Variants in ACACB observed in about 807,000 individuals in gnomAD.
ACACB encodes acetyl-CoA carboxylase beta, also known as acetyl-CoA carboxylase 2.
ACACB carries 209 observed loss-of-function variants against 278.8 expected under a neutral mutation model. The ratio of observed to expected loss-of-function variants is 0.75; its 90% CI spans 0.67 to 0.84. The LOEUF is 0.84. Among genes scored for constraint, ACACB ranks in the 40% least tolerant of loss-of-function variants. ACACB has a pLI of 0.00. For missense variants in ACACB, 2,850 were observed against 3,269.0 expected (o/e 0.87, Z 3.13); for synonymous variants, 1,174 against 1,285.6 (o/e 0.91, Z 1.86).
chr12:109,218,367 AGTTTGTTT>A (rs57423055), intron 24 of ACACB, among the ~76,000 whole-genome samples: 22,611 of 149,980 alleles, frequency 0.15, 2,038 homozygotes, highest in East Asian at 0.28. Context: ...ACGCCCAGCT[AGTTTGTTT>A]GTTTGTTTGT....
chr12:109,141,962 A>C (rs898727904), intron 2 of ACACB, among the ~76,000 whole-genome samples: 3 of 152,124 alleles, frequency 2.0e-5, no homozygotes, highest in Non-Finnish European at 4.4e-5. Flanking sequence ...AAATGGGATA[A>C]TGTAGGCAGG....
intron 1 of ACACB, among the ~76,000 whole-genome samples, chr12:109,122,572 C>CAA (rs59516728): frequency 0.1 from 6,344 of 61,058 alleles, 760 homozygotes; most frequent in African/African-American, 0.22. Flanking sequence ...GACATTGTCT[C>CAA]AAAAAAAAAA....
At position 109,233,829 on chromosome 12, in the gene ACACB, C is replaced by G; in HGVS notation, c.4221C>G (p.Tyr1407Ter). 6.2e-7 allele frequency: 1 copy of G among 1,614,240 alleles called. No homozygotes were observed. The highest frequency in any genetic ancestry group is 8.5e-7 in the Non-Finnish European group (1 of 1,180,052). ...TCAGCGAGGCCCGCACCTCCCTATA[C>G]TCCGAGGATGACTGCAAGGTAAGCG... is the stretch of plus-strand genomic sequence containing the variant. ...PLFSEARTSLYSEDDCKSLRE... is the reference protein window; with the variant it reads ...PLFSEARTSL The change falls in exon 30 of 53, where the codon TAC becomes TAG. Residue 1407 changes from tyrosine (Y) to a stop codon, truncating the protein, a stop_gained. Transcript: ENST00000338432. LOFTEE classifies it high-confidence loss of function.
chr12:109,242,960 C>T (rs993019706), intron 37 of ACACB, among the ~76,000 whole-genome samples: 5 of 150,850 alleles, frequency 3.3e-5, no homozygotes, highest in Non-Finnish European at 5.9e-5. Context: ...AGTGAGACCC[C>T]GTCTTCAAAA....
chr12:109,219,997 C>G (rs1159886352), intron 24 of ACACB, among the ~76,000 whole-genome samples: 1 of 152,156 alleles, frequency 6.6e-6, no homozygotes, highest in African/African-American at 2.4e-5. Flanking sequence ...GCAAAATATG[C>G]CTGTAATCTA....
At chr12:109,119,160 A>G (rs1157395992) in intron 1 of ACACB, among the ~76,000 whole-genome samples, 1 of 152,164 alleles carries the variant, frequency 6.6e-6, no homozygotes, top group Non-Finnish European at 1.5e-5. Flanking sequence ...AATTTCCATG[A>G]TGGGCTCAGG....
rs1053011542 is a variant in ACACB, at chr12:109,151,878, A to G, written c.653+11820A>G. ...TTGGAGGTGGATATTAGGTTGGTGCAAAAGTAATCGTGGTTTTTGCAATCC... is the reference window on the plus strand; with the variant it reads ...TTGGAGGTGGATATTAGGTTGGTGCGAAAGTAATCGTGGTTTTTGCAATCC... On this transcript the variant is annotated intron_variant, in intron 2 of 52. Coordinates refer to ENST00000338432, the MANE Select transcript of ACACB (RefSeq NM_001093.4). Among the ~76,000 whole-genome samples the G allele has an allele frequency of 3.3e-5, 5 of 152,252 alleles. No individual in the cohort carries two copies. In the East Asian group the frequency reaches 9.6e-4, roughly 29 times the overall value.
At chr12:109,174,279 G>T (rs1483119341) in intron 7 of ACACB, 49 bp downstream of exon 7, 2 of 1,456,296 alleles carry the variant, frequency 1.4e-6, no homozygotes, top group Non-Finnish European at 1.9e-6. Flanking sequence ...GCCCAGTCTT[G>T]ATAATGTGAA....
At chr12:109,138,974 C>A (rs139000678) in intron 1 of ACACB, among the ~76,000 whole-genome samples, 131 of 152,308 alleles carry the variant, frequency 8.6e-4, no homozygotes, top group Non-Finnish European at 1.1e-3. Flanking sequence ...ACAACCATCA[C>A]CTCAATCTGC....
chr12:109,262,340 G>A lies in ACACB; in HGVS notation c.6675-17G>A, dbSNP rs755358155. 3.7e-6 allele frequency: 6 copies of A among 1,603,926 alleles called. No homozygotes were observed. Among genetic ancestry groups the A allele is most frequent in the Admixed American group, 1.7e-5 (1 of 59,912 alleles). ...CAATGCCTCATATACCCCCATCCCT[G>A]CCTCTTCTCTTTTAAGGGGTGGTGT... On this transcript the variant is annotated splice_polypyrimidine_tract_variant and intron_variant, in intron 48 of 52. Coordinates refer to ENST00000338432, the MANE Select transcript of ACACB (RefSeq NM_001093.4).
intron 11 of ACACB, among the ~76,000 whole-genome samples, chr12:109,183,017 C>G (rs2044531961): frequency 6.6e-6 from 1 of 152,100 alleles, no homozygotes; most frequent in South Asian, 2.1e-4. Context: ...TCCAGTTTTC[C>G]CAGCACCATT....
chr12:109,185,249 C>T (rs1357398322), intron 11 of ACACB, among the ~76,000 whole-genome samples: 1 of 152,200 alleles, frequency 6.6e-6, no homozygotes, highest in African/African-American at 2.4e-5. Flanking sequence ...TTTAACTCTG[C>T]AGCCAACATG....
At chr12:109,173,862 T>G (rs1177387842) in intron 6 of ACACB, among the ~76,000 whole-genome samples, 1 of 152,198 alleles carries the variant, frequency 6.6e-6, no homozygotes, top group Non-Finnish European at 1.5e-5. Flanking sequence ...CCCTCCAAAG[T>G]GAATTTTGTA....
At position 109,223,871 on chromosome 12, in the gene ACACB, C is replaced by A; in HGVS notation, c.3849C>A (p.His1283Gln). The change falls in exon 27 of 53, where the codon CAC becomes CAA. Residue 1283 changes from histidine to glutamine, a missense_variant. By Grantham distance (24) the His-to-Gln change is conservative. Coordinates refer to ENST00000338432, the MANE Select transcript of ACACB (RefSeq NM_001093.4). Reference sequence around the variant, plus strand: ...ACGTCCTGCCTACTTTCTTCTATCACGCAAACAAAGTCGTGTGCATGGCGT... The same window carrying A: ...ACGTCCTGCCTACTTTCTTCTATCAAGCAAACAAAGTCGTGTGCATGGCGT... ...IFDVLPTFFY[H>Q]ANKVVCMASL... 1 of 1,614,170 alleles carries A rather than the reference C, an allele frequency of 6.2e-7. No homozygotes were observed. The highest frequency in any genetic ancestry group is 8.5e-7 in the Non-Finnish European group (1 of 1,180,014).
At chr12:109,148,229 C>T (rs1334161152) in intron 2 of ACACB, among the ~76,000 whole-genome samples, 8 of 152,354 alleles carry the variant, frequency 5.3e-5, no homozygotes, top group Admixed American at 4.6e-4. Context: ...GAGAACATTA[C>T]ATGATGTGGC....
chr12:109,184,494 T>G (rs1212263007), intron 11 of ACACB, among the ~76,000 whole-genome samples: 2 of 152,194 alleles, frequency 1.3e-5, no homozygotes, highest in Non-Finnish European at 2.9e-5. Context: ...AAATAGAGCA[T>G]TGATACCACA....
chr12:109,211,592 C>G (rs577564257), intron 21 of ACACB, among the ~76,000 whole-genome samples: 1 of 152,032 alleles, frequency 6.6e-6, no homozygotes, highest in Admixed American at 6.6e-5. Flanking sequence ...AGAATAGGCA[C>G]GTTCATGAAG....
At chr12:109,179,009 T>C (rs1413665607) in intron 9 of ACACB, 79 bp from the exon 10 acceptor site, 1 of 1,356,536 alleles carries the variant, frequency 7.4e-7, no homozygotes, top group Non-Finnish European at 1.0e-6. Flanking sequence ...GTTTGTTTTA[T>C]GTTCTCTCCT....
At chr12:109,195,513 GAAAATTTC>G (rs1009842278) in intron 16 of ACACB, among the ~76,000 whole-genome samples, 3 of 152,236 alleles carry the variant, frequency 2.0e-5, no homozygotes, top group African/African-American at 7.2e-5. Context: ...GCACAATGTA[GAAAATTTC>G]AAAATTTCAA....
Sources: allele counts gnomAD v4.1 joint callset (sites outside exome capture counted in the v4.1 genomes callset), GRCh38; gene constraint gnomAD v4.1.1; transcripts MANE v1.5; gene names NCBI Gene and HGNC (gene_info 2026-07-23, HGNC 2026-07-21).